The following R3HDM1 variants were observed in gnomAD, a reference collection of about 807,000 sequenced individuals.
R3HDM1 encodes the protein R3H domain-containing protein 1.
Under a neutral mutation model 141.1 loss-of-function variants are expected in R3HDM1, and 46 were observed. The ratio of observed to expected loss-of-function variants is 0.33; its 90% CI spans 0.26 to 0.42. The LOEUF (loss-of-function observed/expected upper bound fraction) is 0.42, where lower values mean the gene tolerates loss of function less well. Ranked by LOEUF, R3HDM1 falls within the 10% of genes least tolerant of loss-of-function variation. The pLI is 1.00. For missense variants in R3HDM1, 1,184 were observed against 1,368.3 expected (o/e 0.87, Z 2.12); for synonymous variants, 435 against 472.9 (o/e 0.92, Z 1.04).
At chr2:135,546,752 A>G (rs978580632) in intron 1 of R3HDM1, among the ~76,000 whole-genome samples, 1 of 152,024 alleles carries the variant, frequency 6.6e-6, no homozygotes, top group African/African-American at 2.4e-5. Flanking sequence ...GCTCACTGCA[A>G]CCTCCACCTC....
At chr2:135,603,506 A>G (rs1179724782) in intron 2 of R3HDM1, among the ~76,000 whole-genome samples, 1 of 152,204 alleles carries the variant, frequency 6.6e-6, no homozygotes, top group Non-Finnish European at 1.5e-5. Context: ...TACTTGCTAT[A>G]ACCTATATCT....
At position 135,699,044 on chromosome 2, in the gene R3HDM1, TAA is replaced by T. The variant is rs1559466369; in HGVS notation, c.2460-10388_2460-10387del. On this transcript the variant is annotated intron_variant, in intron 21 of 26. Transcript: ENST00000683871. ...ATAGATAGATAGATAGATAGATAGA[TAA>T]GATAGATAAGATAGATTGATTAGAT... is the stretch of plus-strand genomic sequence containing the variant. Among the ~76,000 whole-genome samples, 6 of 100,322 alleles carry T rather than the reference TAA, an allele frequency of 6.0e-5. No individual in the cohort carries two copies. The South Asian group carries it at 8.2e-4, about 14-fold the overall frequency. The allele number at this position is 100,322 out of a possible 152,430, so 65.8% of individuals were successfully genotyped here. A position where few individuals can be genotyped will look rare whatever the true frequency, so the allele number is the denominator to read the frequency against.
intron 20 of R3HDM1, among the ~76,000 whole-genome samples, chr2:135,676,579 G>C (rs921588626): frequency 1.3e-5 from 2 of 152,196 alleles, no homozygotes; most frequent in Non-Finnish European, 1.5e-5. Flanking sequence ...GAGAGGCCAA[G>C]GTGGGTGGAT....
chr2:135,614,298 G>T (rs1012756977), intron 3 of R3HDM1, among the ~76,000 whole-genome samples: 3 of 152,094 alleles, frequency 2.0e-5, no homozygotes, highest in African/African-American at 4.8e-5. Flanking sequence ...CCATTTTATA[G>T]ACTTTTTTTT....
intron 1 of R3HDM1, among the ~76,000 whole-genome samples, chr2:135,563,295 A>G (rs531137645): frequency 2.6e-5 from 4 of 152,230 alleles, no homozygotes; most frequent in Non-Finnish European, 5.9e-5. Context: ...TTTAATTTAA[A>G]GCAAGAAAAA....
chr2:135,632,023 T>C (rs2062759579), intron 9 of R3HDM1, 22 bp downstream of exon 9: 2 of 1,525,616 alleles, frequency 1.3e-6, no homozygotes, highest in East Asian at 2.3e-5. Flanking sequence ...GAGATGTAAC[T>C]ACATATTATA....
chr2:135,535,576 G>C (rs1045458723), intron 1 of R3HDM1, among the ~76,000 whole-genome samples: 1 of 151,784 alleles, frequency 6.6e-6, no homozygotes. Context: ...AAGGAAGTCA[G>C]TTTTTTCTCA....
intron 1 of R3HDM1, chr2:135,549,898 T>C (rs1699523281): frequency 1.2e-6 from 1 of 838,852 alleles, no homozygotes; most frequent in South Asian, 5.5e-5. Context: ...TTTCACCTCA[T>C]TTAAATAAGA....
At chr2:135,647,107 A>C (rs1185784271) in intron 16 of R3HDM1, among the ~76,000 whole-genome samples, 1 of 152,228 alleles carries the variant, frequency 6.6e-6, no homozygotes. Context: ...AGTTATGGAT[A>C]TACTTCTAAG....
At chr2:135,659,676 G>A (rs1000116469) in intron 18 of R3HDM1, among the ~76,000 whole-genome samples, 9 of 152,150 alleles carry the variant, frequency 5.9e-5, no homozygotes, top group South Asian at 2.1e-4. Context: ...GGGCTCAAGC[G>A]ATCCTCCCGC....
intron 17 of R3HDM1, chr2:135,650,754 C>T (rs1247596806): frequency 1.0e-6 from 1 of 982,402 alleles, no homozygotes; most frequent in East Asian, 1.1e-4. Flanking sequence ...CAGGCATCTC[C>T]TTTCAGTCCT....
At chr2:135,656,189 T>C (rs2065868592) in intron 18 of R3HDM1, among the ~76,000 whole-genome samples, 1 of 152,234 alleles carries the variant, frequency 6.6e-6, no homozygotes, top group Non-Finnish European at 1.5e-5. Flanking sequence ...ACCTATTTTA[T>C]CTGACATTAT....
At chr2:135,647,309 T>G (rs2064577166) in intron 16 of R3HDM1, among the ~76,000 whole-genome samples, 1 of 152,248 alleles carries the variant, frequency 6.6e-6, no homozygotes, top group Admixed American at 6.5e-5. Flanking sequence ...GTCATGTAGT[T>G]GTCTTTGCAG....
At chr2:135,616,635 A>G in intron 4 of R3HDM1, 33 bp from the exon 5 acceptor site, 1 of 1,514,660 alleles carries the variant, frequency 6.6e-7, no homozygotes, top group East Asian at 2.3e-5. Flanking sequence ...AGATTTCTGA[A>G]ATGTAGTGTT....
intron 3 of R3HDM1, among the ~76,000 whole-genome samples, chr2:135,615,763 C>A (rs767612163): frequency 3.4e-4 from 51 of 152,122 alleles, no homozygotes; most frequent in Admixed American, 1.0e-3. Context: ...CCTTTAACTG[C>A]TGGTTTTTGT....
chr2:135,582,154 C>A (rs1476135597), intron 1 of R3HDM1, among the ~76,000 whole-genome samples: 3 of 152,042 alleles, frequency 2.0e-5, no homozygotes, highest in Non-Finnish European at 2.9e-5. Context: ...ATGGTGAAAC[C>A]CCGTTTCTAC....
At chr2:135,669,610 A>G in intron 19 of R3HDM1, 1 of 977,076 alleles carries the variant, frequency 1.0e-6, no homozygotes, top group Non-Finnish European at 1.2e-6. Flanking sequence ...TGTTCCTCAA[A>G]AAAGTAAATT....
At chr2:135,582,380 A>G (rs555731327) in intron 1 of R3HDM1, among the ~76,000 whole-genome samples, 1 of 152,338 alleles carries the variant, frequency 6.6e-6, no homozygotes, top group East Asian at 1.9e-4. Context: ...ATTTTAATGA[A>G]AATTAAAAAT....
intron 1 of R3HDM1, among the ~76,000 whole-genome samples, chr2:135,547,796 CAG>C (rs1213832123): frequency 8.7e-6 from 1 of 114,924 alleles, no homozygotes; most frequent in Non-Finnish European, 1.6e-5. Flanking sequence ...TTTCTTGAGA[CAG>C]AGTCTTGCTC....
Sources: allele counts gnomAD v4.1 joint callset (sites outside exome capture counted in the v4.1 genomes callset), GRCh38; gene constraint gnomAD v4.1.1; transcripts MANE v1.5; gene names NCBI Gene and HGNC (gene_info 2026-07-23, HGNC 2026-07-21).